The following SNUPN variants were observed in gnomAD, a reference collection of about 807,000 sequenced individuals.
The protein encoded by SNUPN is snurportin-1.
Under a neutral mutation model 39.2 loss-of-function variants are expected in SNUPN, and 31 were observed. The observed-to-expected ratio is 0.79, with a 90% confidence interval of 0.59 to 1.07. The LOEUF is 1.07. SNUPN is among the 50% of genes least tolerant of loss of function. The probability of loss-of-function intolerance (pLI) is 0.00; values close to 1 mark genes in which losing one functional copy is unlikely to be tolerated. For missense variants in SNUPN, 382 were observed against 434.2 expected (o/e 0.88, Z 1.07); for synonymous variants, 132 against 159.0 (o/e 0.83, Z 1.28).
At chr15:75,606,238 A>G (rs1191995757) in intron 6 of SNUPN, among the ~76,000 whole-genome samples, 1 of 152,212 alleles carries the variant, frequency 6.6e-6, no homozygotes, top group Non-Finnish European at 1.5e-5. Flanking sequence ...TTAGCAATGC[A>G]CATCTTGATT....
At chr15:75,606,120 G>T (rs991127309) in intron 6 of SNUPN, among the ~76,000 whole-genome samples, 5 of 152,172 alleles carry the variant, frequency 3.3e-5, no homozygotes, top group Non-Finnish European at 7.3e-5. Flanking sequence ...ACTCCAACCT[G>T]GGCAACAGAG....
chr15:75,618,948 T>C (rs1184094376), intron 2 of SNUPN, among the ~76,000 whole-genome samples: 1 of 144,512 alleles, frequency 6.9e-6, no homozygotes, highest in Non-Finnish European at 1.5e-5. Flanking sequence ...CTTTATGAAC[T>C]GATATAGAAT....
intron 3 of SNUPN, among the ~76,000 whole-genome samples, chr15:75,611,182 AAAAG>A (rs1892769073): frequency 1.3e-5 from 2 of 151,424 alleles, no homozygotes; most frequent in Admixed American, 6.6e-5. Context: ...GAAAAAAAAA[AAAAG>A]ACTTTGTCCC....
At chr15:75,599,698 G>A (rs531160735) in intron 8 of SNUPN, among the ~76,000 whole-genome samples, 1 of 152,184 alleles carries the variant, frequency 6.6e-6, no homozygotes, top group Non-Finnish European at 1.5e-5. Flanking sequence ...TATAAATAAA[G>A]ATGGTATTCT....
intron 2 of SNUPN, among the ~76,000 whole-genome samples, chr15:75,619,612 G>A (rs1008089767): frequency 6.6e-6 from 1 of 151,748 alleles, no homozygotes; most frequent in African/African-American, 2.4e-5. Context: ...ACTCCAGCCC[G>A]AACAACACAG....
At chr15:75,610,364 C>A (rs895773494) in intron 3 of SNUPN, among the ~76,000 whole-genome samples, 1 of 149,584 alleles carries the variant, frequency 6.7e-6, no homozygotes, top group Admixed American at 6.7e-5. Context: ...GGTGCCATTG[C>A]ACTCCAGCCT....
chr15:75,610,033 T>C, intron 3 of SNUPN, 39 bp from the exon 4 acceptor site: 1 of 1,481,642 alleles, frequency 6.7e-7, no homozygotes, highest in Non-Finnish European at 9.4e-7. Flanking sequence ...TCAGCAGGGG[T>C]GTGCTACTCG....
intron 5 of SNUPN, among the ~76,000 whole-genome samples, chr15:75,608,922 T>C (rs1231041401): frequency 6.6e-6 from 1 of 151,918 alleles, no homozygotes; most frequent in African/African-American, 2.4e-5. Context: ...GTGGATCACT[T>C]TGAGGCCAGG....
chr15:75,599,515 C>T (rs2075268684), intron 8 of SNUPN, among the ~76,000 whole-genome samples: 1 of 152,178 alleles, frequency 6.6e-6, no homozygotes, highest in African/African-American at 2.4e-5. Flanking sequence ...GTCCAGATGC[C>T]CTGCTTCCCT....
At chr15:75,618,025 G>A (rs558786730) in intron 2 of SNUPN, among the ~76,000 whole-genome samples, 38 of 152,226 alleles carry the variant, frequency 2.5e-4, no homozygotes, top group Middle Eastern at 6.8e-3. Flanking sequence ...AACAGTGACC[G>A]CCCCCTCAAA....
At chr15:75,602,525 C>CAAAAAA (rs530791161) in intron 7 of SNUPN, among the ~76,000 whole-genome samples, 1 of 121,274 alleles carries the variant, frequency 8.2e-6, no homozygotes, top group South Asian at 2.8e-4. Flanking sequence ...GACTCGGTCT[C>CAAAAAA]AAAAAAAAAA....
rs112824424 is a variant in SNUPN, at chr15:75,623,294, G to T, written c.-5-2238C>A. Among the ~76,000 whole-genome samples, 243 of 149,628 alleles carry T rather than the reference G, an allele frequency of 1.6e-3. 1 individual carries two copies. The highest frequency in any genetic ancestry group is 3.5e-3 in the Middle Eastern group (1 of 288). ...CGCGTAGCTGGGATTACAGGCGCCC[G>T]CCACCACGCCCGGCTAATTTTGTTT... On this transcript the variant is annotated intron_variant, in intron 1 of 8. Coordinates refer to ENST00000308588, the MANE Select transcript of SNUPN (RefSeq NM_005701.4).
At chr15:75,616,225 G>T (rs1289518237) in intron 3 of SNUPN, among the ~76,000 whole-genome samples, 4 of 151,262 alleles carry the variant, frequency 2.6e-5, no homozygotes, top group Middle Eastern at 3.4e-3. Flanking sequence ...GGGAGGCCGA[G>T]GGGGGTGGAT....
chr15:75,605,305 A>ATTTT, intron 6 of SNUPN, 78 bp from the exon 7 acceptor site: 18 of 540,696 alleles, frequency 3.3e-5, no homozygotes, highest in East Asian at 1.6e-4. Flanking sequence ...ACCCCATGCT[A>ATTTT]TTTTTTTTTT....
In SNUPN at chr15:75,623,290, G is replaced by A. The variant is rs565508463; in HGVS notation, c.-5-2234C>T. 7.3e-5 allele frequency among the ~76,000 whole-genome samples: 11 copies of A among 149,662 alleles called. No individual in the cohort carries two copies. In the East Asian group the frequency reaches 8.0e-4, roughly 11 times the overall value. On this transcript the variant is annotated intron_variant, in intron 1 of 8. Transcript: ENST00000308588. ...CTCCCGCGTAGCTGGGATTACAGGC[G>A]CCCGCCACCACGCCCGGCTAATTTT...
rs577978139 is a variant in SNUPN at position 75,614,592 on chromosome 15, T to C, written c.303+2816A>G. On this transcript the variant is annotated intron_variant, in intron 3 of 8. Transcript: ENST00000308588. ...ATAGGAACAGAAAGTAGATTAATGA[T>C]TAGGGGCTACAGGGAAGAATGGAGA... is the stretch of plus-strand genomic sequence containing the variant. Among the ~76,000 whole-genome samples the C allele has an allele frequency of 5.9e-5, 9 of 152,278 alleles. No individual in the cohort carries two copies. In the South Asian group the frequency reaches 1.9e-3, roughly 32 times the overall value.
At chr15:75,622,058 C>G (rs1001907121) in intron 1 of SNUPN, among the ~76,000 whole-genome samples, 2 of 147,828 alleles carry the variant, frequency 1.4e-5, no homozygotes, top group Non-Finnish European at 3.0e-5. Context: ...AACAAACAAA[C>G]AAAAAAACAA....
chr15:75,612,856 T>A (rs1892820407), intron 3 of SNUPN, among the ~76,000 whole-genome samples: 1 of 151,894 alleles, frequency 6.6e-6, no homozygotes, highest in African/African-American at 2.4e-5. Flanking sequence ...TACATCAAAA[T>A]TTAAAAATTC....
intron 2 of SNUPN, among the ~76,000 whole-genome samples, 190 bp from the exon 3 acceptor site, chr15:75,617,742 T>C (rs924720533): frequency 1.3e-5 from 2 of 152,062 alleles, no homozygotes; most frequent in African/African-American, 2.4e-5. Context: ...CCACCACCCC[T>C]GGCTAATTTT....
Sources: allele counts gnomAD v4.1 joint callset (sites outside exome capture counted in the v4.1 genomes callset), GRCh38; gene constraint gnomAD v4.1.1; transcripts MANE v1.5; gene names NCBI Gene and HGNC (gene_info 2026-07-23, HGNC 2026-07-21).